The following OTUD7B variants were observed in gnomAD, a reference collection of about 807,000 sequenced individuals.
OTUD7B encodes OTU deubiquitinase 7B.
In OTUD7B, 34 loss-of-function variants were observed where a neutral mutation model predicts 82.2. The observed-to-expected ratio is 0.41, with a 90% confidence interval of 0.31 to 0.55. The LOEUF is 0.55. Ranked by LOEUF, OTUD7B falls within the 20% of genes least tolerant of loss-of-function variation. The pLI, the probability that OTUD7B is intolerant of heterozygous loss-of-function variation, is 0.20. For missense variants in OTUD7B, 944 were observed against 1,062.1 expected, an observed-to-expected ratio of 0.89 and a Z score of 1.55; for synonymous variants, 398 against 402.7, an observed-to-expected ratio of 0.99 and a Z score of 0.14.
chr1:150,035,194 A>G, the OTUD7B span, among the ~76,000 whole-genome samples: 3 of 152,106 alleles, frequency 2.0e-5, no homozygotes, highest in South Asian at 6.2e-4. Context: ...AGTACACTGC[A>G]TAACTGATTT....
upstream of OTUD7B, among the ~76,000 whole-genome samples, chr1:150,013,959 C>T (rs1426642061): frequency 5.3e-5 from 7 of 132,732 alleles, no homozygotes; most frequent in East Asian, 1.5e-3. Context: ...CACACACACA[C>T]ACACACACAC....
At position 149,967,365 on chromosome 1, in the gene OTUD7B, T is replaced by C; in HGVS notation, c.431A>G (p.Asn144Ser). The C allele has an allele frequency of 1.2e-6, 2 of 1,614,114 alleles. No individual in the cohort carries two copies. Among genetic ancestry groups the C allele is most frequent in the South Asian group, 1.1e-5 (1 of 91,076 alleles). The change falls in exon 4 of 12, where the codon AAT becomes AGT. Residue 144 changes from asparagine to serine, a missense_variant. Physicochemically the swap from Asn to Ser is conservative, Grantham distance 46 (BLOSUM62 1). Coordinates refer to ENST00000581312, the MANE Select transcript of OTUD7B (RefSeq NM_020205.4). ...CTCTATGAAGCTGCGGAAGTCTTCA[T>C]TGTATACAGTGAGATCTGGAAGCTG... ...AFQLPDLTVY[N>S]EDFRSFIERD... is the part of the protein sequence containing the mutation.
chr1:150,033,527 T>TA, the OTUD7B span, among the ~76,000 whole-genome samples: 1 of 152,082 alleles, frequency 6.6e-6, no homozygotes, highest in Non-Finnish European at 1.5e-5. Flanking sequence ...TTGCCAGTGG[T>TA]AAAAAAGAGG....
At chr1:149,973,632 C>T (rs1183007712) in intron 2 of OTUD7B, among the ~76,000 whole-genome samples, 5 of 151,364 alleles carry the variant, frequency 3.3e-5, no homozygotes, top group South Asian at 2.1e-4. Flanking sequence ...ATAACAGGCG[C>T]GTGCCACCAT....
intron 3 of OTUD7B, among the ~76,000 whole-genome samples, chr1:149,969,081 T>C (rs1649724094): frequency 6.6e-6 from 1 of 152,110 alleles, no homozygotes; most frequent in Admixed American, 6.5e-5. Context: ...CCCAAAACTT[T>C]GGGAAGCCAA....
At position 149,971,976 on chromosome 1, in the gene OTUD7B, A is replaced by C. The variant is rs781930211; in HGVS notation, c.86-725T>G. 1.2e-3 allele frequency among the ~76,000 whole-genome samples: 183 copies of C among 152,332 alleles called. 2 individuals are homozygous for C. The highest frequency in any genetic ancestry group is 1.0e-3 in the Non-Finnish European group (68 of 68,034). On this transcript the variant is annotated intron_variant, in intron 2 of 11. Transcript: ENST00000581312. ...TCACCTACTGTCCTACCTCCGATCC[A>C]TTCCAAAGAATCCCATGAGATTAAT... is the stretch of plus-strand genomic sequence containing the variant.
At chr1:150,036,056 G>A in the OTUD7B span, among the ~76,000 whole-genome samples, 3 of 149,804 alleles carry the variant, frequency 2.0e-5, no homozygotes, top group East Asian at 2.0e-4. Flanking sequence ...GGGCTCAAGC[G>A]ATCTTCCCCC....
At chr1:149,959,858 C>G in intron 6 of OTUD7B, 62 bp from the exon 7 acceptor site, 3 of 1,003,436 alleles carry the variant, frequency 3.0e-6, no homozygotes, top group Non-Finnish European at 4.8e-6. Context: ...GAGGCAATAC[C>G]TATTCCACCT....
intron 7 of OTUD7B, among the ~76,000 whole-genome samples, chr1:149,950,535 T>A (rs912357792): frequency 6.6e-5 from 10 of 152,164 alleles, no homozygotes; most frequent in African/African-American, 2.4e-4. Flanking sequence ...ATTCTCTTCA[T>A]CCAGTAGCTC....
Position 149,994,513 on chromosome 1 carries a change from G to A in OTUD7B, c.-67+15935C>T, listed in dbSNP as rs782719408. The stretch of plus-strand genomic sequence containing the variant: ...GGAGAATCGCTTGAACCTGGGAGGC[G>A]GAGGTCAGGTTGCAGTGAGCTGAGA... On this transcript the variant is annotated intron_variant, in intron 1 of 11. Transcript: ENST00000581312. Among the ~76,000 whole-genome samples, 13 of 150,436 alleles carry A rather than the reference G, an allele frequency of 8.6e-5. No individual in the cohort carries two copies. The South Asian group carries it at 1.7e-3, about 20-fold the overall frequency.
At chr1:149,998,790 T>C (rs984503557) in intron 1 of OTUD7B, among the ~76,000 whole-genome samples, 2 of 152,236 alleles carry the variant, frequency 1.3e-5, no homozygotes, top group Non-Finnish European at 2.9e-5. Flanking sequence ...CAATAAACTG[T>C]TGACAGTAAC....
chr1:150,024,984 G>C, the OTUD7B span, among the ~76,000 whole-genome samples: 1 of 152,030 alleles, frequency 6.6e-6, no homozygotes, highest in Admixed American at 6.6e-5. Context: ...GGAGGCAGAG[G>C]TTGCAGTGAG....
At chr1:150,015,110 G>GTGAA (rs782146285), upstream of OTUD7B, among the ~76,000 whole-genome samples, 6 of 152,104 alleles carry the variant, frequency 3.9e-5, no homozygotes, top group East Asian at 5.8e-4. Flanking sequence ...TATCTATTAA[G>GTGAA]TGAATGAATG....
chr1:149,959,220 C>CA (rs782030125), intron 7 of OTUD7B, among the ~76,000 whole-genome samples: 403 of 10,286 alleles, frequency 0.039, 2 homozygotes, highest in African/African-American at 0.13. Context: ...GACTCTGTCT[C>CA]AAAAAAAAAA....
At chr1:149,954,929 C>T (rs782718739) in intron 7 of OTUD7B, among the ~76,000 whole-genome samples, 1 of 152,080 alleles carries the variant, frequency 6.6e-6, no homozygotes, top group African/African-American at 2.4e-5. Flanking sequence ...TGATTCTTCT[C>T]TCTTTTCTTC....
At chr1:149,962,664 C>A (rs1224461568) in intron 6 of OTUD7B, 1 of 152,130 alleles carries the variant, frequency 6.6e-6, no homozygotes, top group African/African-American at 2.4e-5. Flanking sequence ...AGAATAATAA[C>A]TAATTGCTTT....
At chr1:149,998,786 A>G (rs1163661436) in intron 1 of OTUD7B, among the ~76,000 whole-genome samples, 1 of 152,158 alleles carries the variant, frequency 6.6e-6, no homozygotes, top group African/African-American at 2.4e-5. Flanking sequence ...TATCCAATAA[A>G]CTGTTGACAG....
At chr1:150,050,964 C>A in the OTUD7B span, among the ~76,000 whole-genome samples, 3 of 150,804 alleles carry the variant, frequency 2.0e-5, no homozygotes, top group Non-Finnish European at 4.4e-5. Flanking sequence ...TGCGGTGGCT[C>A]ACGCCTGTAA....
the OTUD7B span, among the ~76,000 whole-genome samples, chr1:150,036,967 C>T: frequency 6.6e-6 from 1 of 152,106 alleles, no homozygotes; most frequent in Non-Finnish European, 1.5e-5. Flanking sequence ...AGCTGTCTAA[C>T]CCTTTTAAAA....
Sources: gnomAD v4.1 joint callset for allele counts (sites outside exome capture counted in the v4.1 genomes callset) on GRCh38, gnomAD v4.1.1 for gene constraint, MANE v1.5 for transcripts, NCBI Gene and HGNC (gene_info 2026-07-23, HGNC 2026-07-21) for gene names.